CPXM2: variants seen among roughly 807,000 people sequenced by gnomAD.
The protein encoded by CPXM2 is carboxypeptidase X, M14 family member 2.
A neutral mutation model predicts 86.1 loss-of-function variants in CPXM2; 66 were observed. The ratio of observed to expected loss-of-function variants is 0.77; its 90% confidence interval spans 0.63 to 0.94. The LOEUF (loss-of-function observed/expected upper bound fraction) is 0.94. Ranked by LOEUF, CPXM2 falls within the 40% of genes least tolerant of loss-of-function variation. The pLI, the probability that CPXM2 is intolerant of heterozygous loss-of-function variation, is 0.00. For synonymous variants in CPXM2, 388 were observed against 400.2 expected, an observed-to-expected ratio of 0.97 and a Z score of 0.36; for missense variants, 948 against 1,026.3, an observed-to-expected ratio of 0.92 and a Z score of 1.04.
upstream of CPXM2, among the ~76,000 whole-genome samples, chr10:123,941,127 C>T (rs1485214955): frequency 4.6e-5 from 7 of 152,050 alleles, no homozygotes; most frequent in East Asian, 1.9e-4. Context: ...GCCGAGATCG[C>T]GCCACTGCAC....
intron 3 of CPXM2, among the ~76,000 whole-genome samples, chr10:123,861,910 T>G (rs960782175): frequency 1.3e-5 from 2 of 152,150 alleles, no homozygotes; most frequent in Middle Eastern, 6.8e-3. Flanking sequence ...TTCATGTGAG[T>G]GGAGCATGGT....
intron 4 of CPXM2, among the ~76,000 whole-genome samples, chr10:123,803,118 C>CTTTTTTTTTTTTTTTTTTTTTT (rs532954173): frequency 3.1e-5 from 2 of 63,634 alleles, no homozygotes; most frequent in Non-Finnish European, 3.1e-5. Context: ...TTGTAGTACC[C>CTTTTTTTTTTTTTTTTTTTTTT]TTTTTTTTTT....
intron 1 of CPXM2, among the ~76,000 whole-genome samples, chr10:123,887,652 C>T (rs895576378): frequency 6.6e-6 from 1 of 152,040 alleles, no homozygotes; most frequent in Non-Finnish European, 1.5e-5. Context: ...TGCTAAACAT[C>T]CTGCAATACA....
intron 2 of CPXM2, among the ~76,000 whole-genome samples, chr10:123,919,696 T>C (rs1216992650): frequency 6.6e-6 from 1 of 152,270 alleles, no homozygotes; most frequent in Non-Finnish European, 1.5e-5. Flanking sequence ...CAAGTTGCTT[T>C]GTCCATTTGT....
chr10:123,886,617 A>G (rs977506610), intron 1 of CPXM2, among the ~76,000 whole-genome samples: 3 of 152,208 alleles, frequency 2.0e-5, no homozygotes, highest in African/African-American at 7.2e-5. Flanking sequence ...ACATTCAAAC[A>G]GCGGTGCATT....
intron 2 of CPXM2, among the ~76,000 whole-genome samples, chr10:123,930,053 C>T (rs76437741): frequency 0.065 from 9,850 of 152,278 alleles, 691 homozygotes; most frequent in East Asian, 0.37. Context: ...AAGAACCTGG[C>T]TCCCCTCCAC....
chr10:123,905,310 T>A (rs1590115186), intron 2 of CPXM2, among the ~76,000 whole-genome samples: 1 of 152,172 alleles, frequency 6.6e-6, no homozygotes, highest in African/African-American at 2.4e-5. Flanking sequence ...CCTGCTTGGA[T>A]TCTGTGCTGG....
At chr10:123,908,588 G>C (rs779565903) in intron 2 of CPXM2, among the ~76,000 whole-genome samples, 1 of 152,094 alleles carries the variant, frequency 6.6e-6, no homozygotes, top group African/African-American at 2.4e-5. Flanking sequence ...TGGAGGGCTC[G>C]GGGCAAGGAG....
At chr10:123,882,275 C>T (rs765726495) in intron 1 of CPXM2, among the ~76,000 whole-genome samples, 1 of 152,122 alleles carries the variant, frequency 6.6e-6, no homozygotes, top group Non-Finnish European at 1.5e-5. Flanking sequence ...GTCTAGAAGC[C>T]AATTAACTGA....
At position 123,842,485 on chromosome 10, in the gene CPXM2, C is replaced by T. The variant is rs756193715; in HGVS notation, c.517G>A (p.Gly173Ser). 7 of 1,614,012 alleles carry T rather than the reference C, an allele frequency of 4.3e-6. No homozygotes were observed. In the South Asian group the frequency reaches 6.6e-5, roughly 15 times the overall value. ...AHRGRLNIQA[G>S]INENDFYDGA... ...TCATAAAAATCATTTTCATTAATGCCCGCCTAGAAAGAAAGAAAGCGGTGT... is the reference window on the plus strand; with the variant it reads ...TCATAAAAATCATTTTCATTAATGCTCGCCTAGAAAGAAAGAAAGCGGTGT... Residue 173 changes from glycine to serine, a missense_variant, in exon 4 of 14, where the codon GGC becomes AGC. Gly to Ser is a moderately conservative substitution (Grantham distance 56). Transcript: ENST00000241305.
intron 2 of CPXM2, among the ~76,000 whole-genome samples, chr10:123,916,289 T>C (rs551565286): frequency 6.6e-6 from 1 of 152,216 alleles, no homozygotes; most frequent in Admixed American, 6.5e-5. Context: ...GTAGGATCCA[T>C]GGAGTAGGGG....
chr10:123,813,389 G>A (rs1847736630), intron 4 of CPXM2, among the ~76,000 whole-genome samples: 1 of 152,160 alleles, frequency 6.6e-6, no homozygotes, highest in Non-Finnish European at 1.5e-5. Flanking sequence ...TCCATACCTG[G>A]ATGCTCTGTT....
Position 123,762,073 on chromosome 10 carries a change from G to GATACGCCACCACCA in CPXM2, c.1575_1576insTGGTGGTGGCGTAT (p.Pro526TrpfsTer42). ...CAGGGGGACCGCACCAGGTCGTAGG[G>GATACGCCACCACCA]GTACGCCACCACCAGCTCGCCGCCC... On this transcript the variant is annotated frameshift_variant, in exon 11 of 14. Transcript: ENST00000241305. LOFTEE classifies it high-confidence loss of function. 1 of 1,614,100 alleles carries GATACGCCACCACCA rather than the reference G, an allele frequency of 6.2e-7. No homozygotes were observed.
At chr10:123,858,741 C>CTGAA (rs1432386742) in intron 3 of CPXM2, among the ~76,000 whole-genome samples, 1 of 152,246 alleles carries the variant, frequency 6.6e-6, no homozygotes, top group Non-Finnish European at 1.5e-5. Flanking sequence ...CTGCTAAAGA[C>CTGAA]TGAAGCATCT....
At chr10:123,827,184 G>T (rs1307055383) in intron 4 of CPXM2, among the ~76,000 whole-genome samples, 1 of 152,116 alleles carries the variant, frequency 6.6e-6, no homozygotes, top group East Asian at 1.9e-4. Context: ...GATGCAATGA[G>T]AAATGTATTA....
intron 13 of CPXM2, chr10:123,751,152 G>A: frequency 8.8e-6 from 6 of 685,462 alleles, no homozygotes; most frequent in Non-Finnish European, 1.1e-5. Context: ...TGAGCGTGTG[G>A]CTAGGGAACT....
intron 2 of CPXM2, among the ~76,000 whole-genome samples, chr10:123,936,526 C>T (rs1037513443): frequency 3.9e-5 from 6 of 152,132 alleles, no homozygotes; most frequent in African/African-American, 9.7e-5. Context: ...CCAAGTAAAG[C>T]GAGGCTACTT....
intron 4 of CPXM2, among the ~76,000 whole-genome samples, chr10:123,830,894 G>C (rs1441512997): frequency 6.6e-6 from 1 of 151,616 alleles, no homozygotes; most frequent in African/African-American, 2.4e-5. Flanking sequence ...GTGTGTGTGT[G>C]TGTGTGTGTG....
intron 2 of CPXM2, among the ~76,000 whole-genome samples, chr10:123,910,052 G>A (rs7089628): frequency 0.081 from 12,398 of 152,178 alleles, 581 homozygotes; most frequent in East Asian, 0.19. Flanking sequence ...GACAGTGTAG[G>A]GAGCAGGTGC....
Sources: gnomAD v4.1 joint callset for allele counts (sites outside exome capture counted in the v4.1 genomes callset) on GRCh38, gnomAD v4.1.1 for gene constraint, MANE v1.5 for transcripts, NCBI Gene and HGNC (gene_info 2026-07-23, HGNC 2026-07-21) for gene names.